Variants in GCA observed in about 807,000 individuals in gnomAD.
GCA encodes the protein grancalcin, also known as grancalcin, EF-hand calcium-binding protein.
Under a neutral mutation model 32.6 loss-of-function variants are expected in GCA, and 30 were observed. The ratio of observed to expected loss-of-function variants is 0.92; its 90% CI spans 0.69 to 1.25. The LOEUF is 1.25. Ranked by LOEUF, GCA falls within the 50% of genes most tolerant of loss-of-function variation. The pLI is 0.00. For synonymous variants in GCA, 102 were observed against 84.6 expected (o/e 1.21, Z -1.13); for missense variants, 291 against 266.8 (o/e 1.09, Z -0.63).
downstream of GCA, among the ~76,000 whole-genome samples, chr2:162,372,951 G>A (rs549496266): frequency 6.6e-6 from 1 of 152,234 alleles, no homozygotes; most frequent in Non-Finnish European, 1.5e-5. Context: ...CTCTGGTGAT[G>A]GGTGGGGTAC....
intron 1 of GCA, among the ~76,000 whole-genome samples, chr2:162,333,456 G>A (rs904600488): frequency 6.6e-6 from 1 of 151,994 alleles, no homozygotes; most frequent in African/African-American, 2.4e-5. Context: ...TGTGTTGAGG[G>A]TATATAGATT....
At chr2:162,372,073 T>C, downstream of GCA, 4 of 1,612,814 alleles carry the variant, frequency 2.5e-6, no homozygotes, top group Admixed American at 1.7e-5. Flanking sequence ...TTTAGATTTT[T>C]CAAGGTCTAG....
intron 3 of GCA, among the ~76,000 whole-genome samples, chr2:162,353,159 A>C (rs534968416): frequency 1.3e-5 from 2 of 152,020 alleles, no homozygotes; most frequent in South Asian, 4.1e-4. Flanking sequence ...TGTATAGTTA[A>C]GCAGCTTCTT....
intron 1 of GCA, among the ~76,000 whole-genome samples, chr2:162,327,978 C>T (rs945132999): frequency 3.9e-5 from 6 of 152,336 alleles, no homozygotes; most frequent in African/African-American, 1.4e-4. Flanking sequence ...CTCGCTGGCT[C>T]TTGGCGCCTC....
At chr2:162,323,704 A>C (rs1180779185) in intron 1 of GCA, among the ~76,000 whole-genome samples, 3 of 151,826 alleles carry the variant, frequency 2.0e-5, no homozygotes, top group Non-Finnish European at 4.4e-5. Flanking sequence ...GGTTTGTCAA[A>C]GATCAGATAG....
At chr2:162,349,503 C>A (rs970269166) in intron 2 of GCA, among the ~76,000 whole-genome samples, 1 of 151,804 alleles carries the variant, frequency 6.6e-6, no homozygotes, top group Non-Finnish European at 1.5e-5. Flanking sequence ...TTGGGAACAT[C>A]TTTTTAAGAT....
chr2:162,325,146 A>G (rs1683829798), intron 1 of GCA, among the ~76,000 whole-genome samples: 1 of 152,224 alleles, frequency 6.6e-6, no homozygotes, highest in South Asian at 2.1e-4. Flanking sequence ...CAGCCTGGTG[A>G]AAGAAATTAA....
At position 162,324,139 on chromosome 2, in the gene GCA, G is replaced by A. The variant is rs192682962; in HGVS notation, c.-31+4914G>A. On this transcript the variant is annotated intron_variant, in intron 1 of 4. Coordinates refer to the GCA transcript ENST00000429691. ...TACAGCTTCTGAAGCCTCAGTGGGCGTGTGTTACAGGGTGATCTTTTAGTT... is the reference window on the plus strand; with the variant it reads ...TACAGCTTCTGAAGCCTCAGTGGGCATGTGTTACAGGGTGATCTTTTAGTT... Among the ~76,000 whole-genome samples the A allele has an allele frequency of 6.6e-5, 10 of 152,232 alleles. No homozygotes were observed. In the East Asian group the frequency reaches 1.4e-3, roughly 21 times the overall value.
rs112769063 is a variant in GCA, at chr2:162,320,498, G to A, written c.-31+1273G>A. Among the ~76,000 whole-genome samples, 82 of 152,254 alleles carry A rather than the reference G, an allele frequency of 5.4e-4. 1 individual carries two copies. Among genetic ancestry groups the A allele is most frequent in the African/African-American group, 1.5e-3 (63 of 41,550 alleles). Reference sequence around the variant, plus strand: ...CTTCTGTTTCTTGGTTTCAAACATGGGGGAATGAGAAGGGGTTGCTGACTG... The same window carrying A: ...CTTCTGTTTCTTGGTTTCAAACATGAGGGAATGAGAAGGGGTTGCTGACTG... On this transcript the variant is annotated intron_variant, in intron 1 of 4. Transcript: ENST00000429691.
intron 5 of GCA, among the ~76,000 whole-genome samples, chr2:162,357,557 T>A (rs1170384846): frequency 6.6e-6 from 1 of 151,798 alleles, no homozygotes; most frequent in Non-Finnish European, 1.5e-5. Context: ...TGTATGAAAA[T>A]TAATTTTTTG....
chr2:162,353,152 A>G lies in GCA; in HGVS notation c.262+745A>G, dbSNP rs570518897. Among the ~76,000 whole-genome samples, 96 of 152,132 alleles carry G rather than the reference A, an allele frequency of 6.3e-4. 1 individual carries two copies. The highest frequency in any genetic ancestry group is 8.8e-5 in the Non-Finnish European group (6 of 67,996). ...TCATTATCTTATTTTAGTGAAATGT[A>G]TAGTTAAGCAGCTTCTTAATATAAA... On this transcript the variant is annotated intron_variant, in intron 3 of 7. Transcript: ENST00000437150.
At chr2:162,358,260 A>G (rs1412849459) in intron 5 of GCA, among the ~76,000 whole-genome samples, 3 of 151,556 alleles carry the variant, frequency 2.0e-5, no homozygotes, top group East Asian at 1.9e-4. Context: ...CAAGTAGAAT[A>G]TATTAATTTA....
chr2:162,360,830 C>A lies in GCA; in HGVS notation c.*587C>A. The A allele has an allele frequency of 8.3e-7, 1 of 1,203,212 alleles. No homozygotes were observed. Among genetic ancestry groups the A allele is most frequent in the Non-Finnish European group, 1.1e-6 (1 of 949,734 alleles). 74.5% of individuals were successfully genotyped at this position (1,203,212 alleles called of 1,614,324 possible). ...TGTAGTGAAATAAGACTACAGAAGG[C>A]ATTGTTTTTTCCTTTTTTATTTTTT... On this transcript the variant is annotated 3_prime_UTR_variant, in exon 8 of 8. Transcript: ENST00000437150.
At position 162,360,266 on chromosome 2, in the gene GCA, A is replaced by G. The variant is rs745695066; in HGVS notation, c.*23A>G. On this transcript the variant is annotated 3_prime_UTR_variant, in exon 8 of 8. Coordinates refer to ENST00000437150, the MANE Select transcript of GCA (RefSeq NM_012198.5). The stretch of plus-strand genomic sequence containing the variant: ...TGAATGCTTAGAATTTTAAACCTGA[A>G]GAGACACTGTGAATTCTTTTGTTTG... The G allele has an allele frequency of 4.4e-6, 7 of 1,582,320 alleles. No homozygotes were observed. In the South Asian group the frequency reaches 6.8e-5, roughly 15 times the overall value.
intron 1 of GCA, among the ~76,000 whole-genome samples, chr2:162,321,583 G>C (rs1683665111): frequency 6.6e-6 from 1 of 151,950 alleles, no homozygotes; most frequent in South Asian, 2.1e-4. Flanking sequence ...TGGCAGTGTG[G>C]GGTATGGTTA....
downstream of GCA, among the ~76,000 whole-genome samples, chr2:162,367,622 A>C (rs1037597425): frequency 1.3e-5 from 2 of 152,068 alleles, no homozygotes; most frequent in Non-Finnish European, 2.9e-5. Flanking sequence ...AAATACAATT[A>C]AGAGAGATAA....
downstream of GCA, among the ~76,000 whole-genome samples, chr2:162,367,235 G>T (rs146411468): frequency 2.0e-5 from 3 of 151,882 alleles, no homozygotes; most frequent in Admixed American, 2.0e-4. Flanking sequence ...CATTTCCACC[G>T]TTCCGCACAA....
upstream of GCA, among the ~76,000 whole-genome samples, chr2:162,341,327 G>A (rs1250731120): frequency 2.2e-5 from 3 of 138,898 alleles, no homozygotes; most frequent in African/African-American, 8.0e-5. Context: ...GTAGGCTCTG[G>A]GTTTGTGATT....
chr2:162,327,963 C>A (rs895108619), intron 1 of GCA, among the ~76,000 whole-genome samples: 1 of 152,232 alleles, frequency 6.6e-6, no homozygotes, highest in Non-Finnish European at 1.5e-5. Flanking sequence ...GCAGTCCTCA[C>A]AGCCCTCGCT....
Sources: gnomAD v4.1 joint callset for allele counts (sites outside exome capture counted in the v4.1 genomes callset) on GRCh38, gnomAD v4.1.1 for gene constraint, MANE v1.5 for transcripts, NCBI Gene and HGNC (gene_info 2026-07-23, HGNC 2026-07-21) for gene names.